Variants in TANC2 observed in about 807,000 individuals in gnomAD.
TANC2 encodes the protein protein TANC2.
In TANC2, 26 loss-of-function variants were observed where a neutral mutation model predicts 210.5. The ratio of observed to expected loss-of-function variants is 0.12; its 90% CI spans 0.09 to 0.17. The LOEUF (loss-of-function observed/expected upper bound fraction) is 0.17. Among genes scored for constraint, TANC2 ranks in the 10% least tolerant of loss-of-function variants. The pLI, the probability that TANC2 is intolerant of heterozygous loss-of-function variation, is 1.00. For synonymous variants in TANC2, 931 were observed against 967.1 expected (o/e 0.96, Z 0.69); for missense variants, 2,129 against 2,608.9 (o/e 0.82, Z 4.01).
intron 8 of TANC2, among the ~76,000 whole-genome samples, chr17:63,266,449 AAC>A (rs2043529115): frequency 1.3e-5 from 2 of 152,130 alleles, no homozygotes; most frequent in Non-Finnish European, 2.9e-5. Context: ...CATCATAAAC[AAC>A]TTATATATGA....
chr17:63,054,380 T>G (rs990012634), intron 2 of TANC2, among the ~76,000 whole-genome samples: 2 of 152,116 alleles, frequency 1.3e-5, no homozygotes, highest in African/African-American at 4.8e-5. Context: ...TTGTTTTTGT[T>G]TTTTTCTTTT....
intron 4 of TANC2, among the ~76,000 whole-genome samples, chr17:63,110,647 A>T (rs1598412747): frequency 6.6e-6 from 1 of 152,034 alleles, no homozygotes; most frequent in African/African-American, 2.4e-5. Context: ...ACATAACCTA[A>T]CTCTGTAGCC....
chr17:63,038,205 CCTAGTTTT>C (rs1215424831), intron 2 of TANC2, among the ~76,000 whole-genome samples: 3 of 152,078 alleles, frequency 2.0e-5, no homozygotes, highest in Admixed American at 6.5e-5. Flanking sequence ...CCCCTGTATT[CCTAGTTTT>C]CTAGTTTTCT....
chr17:63,198,559 A>C (rs1294554141), intron 6 of TANC2, among the ~76,000 whole-genome samples: 2 of 152,192 alleles, frequency 1.3e-5, no homozygotes, highest in Non-Finnish European at 2.9e-5. Context: ...AGTACAGTTC[A>C]TCTACTCACA....
In TANC2 at chr17:63,194,014, C is replaced by T. The variant is rs749201325; in HGVS notation, c.457C>T (p.Pro153Ser). The change falls in exon 6 of 28, where the codon CCC becomes TCC. Residue 153 changes from proline to serine, a missense_variant. Pro to Ser is a moderately conservative substitution (Grantham distance 74, BLOSUM62 -1). This residue lies in a region of TANC2 where 739 missense variants were observed against 848.0 expected (regional missense o/e 0.87). Transcript: ENST00000689528. ...AGGTGATGCTGAACAGGAGCTTGGC[C>T]CCCCTCCATCTGTAGATGAGGCAGC... 9 of 1,612,746 alleles carry T rather than the reference C, an allele frequency of 5.6e-6. No individual in the cohort carries two copies. In the East Asian group the frequency reaches 1.8e-4, roughly 32 times the overall value.
At chr17:63,008,468 T>TA (rs1568313097) in intron 1 of TANC2, among the ~76,000 whole-genome samples, 2 of 152,168 alleles carry the variant, frequency 1.3e-5, no homozygotes, top group African/African-American at 2.4e-5. Flanking sequence ...ACCAAGTACT[T>TA]ACAACACTTT....
intron 17 of TANC2, among the ~76,000 whole-genome samples, chr17:63,395,022 A>G (rs1444120276): frequency 5.9e-5 from 9 of 152,262 alleles, no homozygotes; most frequent in South Asian, 2.1e-4. Flanking sequence ...CCGCAGGACA[A>G]GTACCACCTA....
At chr17:63,018,571 C>T (rs902354317) in intron 2 of TANC2, among the ~76,000 whole-genome samples, 14 of 151,770 alleles carry the variant, frequency 9.2e-5, no homozygotes, top group Non-Finnish European at 1.9e-4. Flanking sequence ...ATTTGGGTTC[C>T]CCCAGTGGTA....
chr17:63,135,964 A>AT (rs2039076382), intron 4 of TANC2, among the ~76,000 whole-genome samples: 1 of 152,210 alleles, frequency 6.6e-6, no homozygotes, highest in Non-Finnish European at 1.5e-5. Flanking sequence ...ATTGATTTGT[A>AT]TATGCAAAAA....
At chr17:63,385,087 T>C (rs2047735877) in intron 15 of TANC2, among the ~76,000 whole-genome samples, 1 of 152,176 alleles carries the variant, frequency 6.6e-6, no homozygotes, top group African/African-American at 2.4e-5. Flanking sequence ...CTAGGGCTGT[T>C]GTGAAGATTA....
intron 8 of TANC2, among the ~76,000 whole-genome samples, chr17:63,263,219 T>C (rs1326480102): frequency 6.6e-6 from 1 of 152,188 alleles, no homozygotes; most frequent in East Asian, 1.9e-4. Flanking sequence ...AGTGATGAGC[T>C]GACTCTGAAT....
At chr17:63,250,192 A>G (rs1267908791) in intron 8 of TANC2, among the ~76,000 whole-genome samples, 4 of 151,952 alleles carry the variant, frequency 2.6e-5, no homozygotes, top group African/African-American at 7.2e-5. Flanking sequence ...AAATTTTGTT[A>G]TAGATTTGTT....
chr17:63,319,187 T>A, intron 11 of TANC2, 97 bp downstream of exon 11: 2 of 1,261,804 alleles, frequency 1.6e-6, no homozygotes, highest in South Asian at 1.4e-5. Flanking sequence ...CAAAAATACG[T>A]AAAGCTATAC....
chr17:63,002,782 T>C (rs1341415836), intron 1 of TANC2, among the ~76,000 whole-genome samples: 1 of 152,206 alleles, frequency 6.6e-6, no homozygotes, highest in East Asian at 1.9e-4. Context: ...TGGCATATTA[T>C]ATGTTGTGAT....
At chr17:63,278,177 C>T (rs2043944178) in intron 9 of TANC2, among the ~76,000 whole-genome samples, 1 of 151,972 alleles carries the variant, frequency 6.6e-6, no homozygotes, top group Admixed American at 6.6e-5. Flanking sequence ...TAAGGAGAAG[C>T]AACAGAGTAA....
rs556426898 is a variant in TANC2, at chr17:63,064,380, G to T, written c.68-9563G>T. On this transcript the variant is annotated intron_variant, in intron 2 of 27. Coordinates refer to ENST00000689528, the Ensembl canonical transcript of TANC2. ...AGGCTGAGATGAGAGGATCACTTGAGCCCAGGAGCTCAAAGCTGCAATGAG... is the reference window on the plus strand; with the variant it reads ...AGGCTGAGATGAGAGGATCACTTGATCCCAGGAGCTCAAAGCTGCAATGAG... Among the ~76,000 whole-genome samples the T allele has an allele frequency of 1.7e-3, 254 of 152,252 alleles. 2 individuals are homozygous for T. The highest frequency in any genetic ancestry group is 2.9e-3 in the Non-Finnish European group (197 of 68,010).
intron 4 of TANC2, among the ~76,000 whole-genome samples, chr17:63,112,751 A>T (rs1483042083): frequency 6.6e-6 from 1 of 152,226 alleles, no homozygotes; most frequent in East Asian, 1.9e-4. Context: ...GGGAAATAAT[A>T]AAAAGAATCC....
chr17:63,325,444 CT>C (rs1420009759), intron 11 of TANC2, among the ~76,000 whole-genome samples: 1 of 152,182 alleles, frequency 6.6e-6, no homozygotes, highest in Non-Finnish European at 1.5e-5. Flanking sequence ...AATATTGCTT[CT>C]TCTAAAAAAG....
chr17:63,339,054 G>T (rs1388887402), intron 11 of TANC2: 3 of 152,150 alleles, frequency 2.0e-5, no homozygotes, highest in African/African-American at 7.2e-5. Flanking sequence ...TCAGTTGCCG[G>T]TATATAGGCA....
Sources: allele counts gnomAD v4.1 joint callset (sites outside exome capture counted in the v4.1 genomes callset), GRCh38; gene constraint gnomAD v4.1.1; regional missense constraint gnomAD v4.1.1; transcripts MANE v1.5; gene names NCBI Gene and HGNC (gene_info 2026-07-23, HGNC 2026-07-21).